Variants in ZFAND3 observed in about 807,000 individuals in gnomAD.
ZFAND3 encodes zinc finger AN1-type containing 3.
A neutral mutation model predicts 29.6 loss-of-function variants in ZFAND3; 10 were observed. The observed-to-expected ratio is 0.34, with a 90% CI of 0.21 to 0.57. ZFAND3 has a LOEUF of 0.57. Among genes scored for constraint, ZFAND3 ranks in the 20% least tolerant of loss-of-function variants. The pLI, the probability that ZFAND3 is intolerant of heterozygous loss-of-function variation, is 0.86. For missense variants in ZFAND3, 230 were observed against 304.5 expected (o/e 0.76, Z 1.82); for synonymous variants, 128 against 112.6 (o/e 1.14, Z -0.87).
intron 1 of ZFAND3, among the ~76,000 whole-genome samples, chr6:37,869,477 A>G (rs1389941935): frequency 6.6e-6 from 1 of 151,430 alleles, no homozygotes. Flanking sequence ...TCTTTCATTC[A>G]TGATATTGGT....
At chr6:37,898,656 C>T (rs1453981989) in intron 1 of ZFAND3, among the ~76,000 whole-genome samples, 1 of 152,014 alleles carries the variant, frequency 6.6e-6, no homozygotes, top group Non-Finnish European at 1.5e-5. Context: ...AGTGTAGCAA[C>T]CCTGTACATC....
At chr6:38,044,116 A>T (rs1462314943) in intron 2 of ZFAND3, among the ~76,000 whole-genome samples, 1 of 152,210 alleles carries the variant, frequency 6.6e-6, no homozygotes. Flanking sequence ...ACAAAAACTA[A>T]TCCAATAAAA....
chr6:38,087,016 G>A (rs1330520658), intron 4 of ZFAND3, among the ~76,000 whole-genome samples: 1 of 152,096 alleles, frequency 6.6e-6, no homozygotes, highest in Admixed American at 6.6e-5. Flanking sequence ...ATGGAATAGA[G>A]AACCCAGAAA....
intron 5 of ZFAND3, among the ~76,000 whole-genome samples, chr6:38,135,928 G>A (rs935551090): frequency 3.3e-5 from 5 of 152,182 alleles, no homozygotes; most frequent in Admixed American, 6.5e-5. Context: ...AGTCATAGCT[G>A]TGGATTTCCT....
At chr6:38,065,101 A>C (rs1764316600) in intron 3 of ZFAND3, among the ~76,000 whole-genome samples, 1 of 152,162 alleles carries the variant, frequency 6.6e-6, no homozygotes, top group Non-Finnish European at 1.5e-5. Context: ...AGCAGATCAC[A>C]AGGTGAAGAG....
At chr6:38,112,730 T>G (rs1381280957) in intron 4 of ZFAND3, among the ~76,000 whole-genome samples, 6 of 152,262 alleles carry the variant, frequency 3.9e-5, no homozygotes, top group Non-Finnish European at 8.8e-5. Flanking sequence ...GTTGAATTAT[T>G]TAATTCATTA....
chr6:37,830,344 G>T (rs1763837803), intron 1 of ZFAND3, among the ~76,000 whole-genome samples: 2 of 152,222 alleles, frequency 1.3e-5, no homozygotes, highest in African/African-American at 4.8e-5. Context: ...CCATCGTTTA[G>T]TCAAACTGTG....
intron 1 of ZFAND3, among the ~76,000 whole-genome samples, chr6:37,820,317 G>T (rs374723353): frequency 1.3e-5 from 2 of 152,220 alleles, no homozygotes; most frequent in South Asian, 2.1e-4. Flanking sequence ...GGAGGGATGA[G>T]GGGGCGGCGT....
chr6:37,843,759 C>T (rs1447662807), intron 1 of ZFAND3, among the ~76,000 whole-genome samples: 3 of 151,548 alleles, frequency 2.0e-5, no homozygotes, highest in Admixed American at 6.6e-5. Flanking sequence ...TCTTTTCTAG[C>T]TGAGACATTG....
chr6:37,848,841 A>G (rs1396826520), intron 1 of ZFAND3, among the ~76,000 whole-genome samples: 1 of 152,136 alleles, frequency 6.6e-6, no homozygotes, highest in African/African-American at 2.4e-5. Context: ...GTCTGGTATT[A>G]TAATGATGCT....
At chr6:37,878,771 T>A (rs1421993903) in intron 1 of ZFAND3, among the ~76,000 whole-genome samples, 1 of 152,236 alleles carries the variant, frequency 6.6e-6, no homozygotes, top group Non-Finnish European at 1.5e-5. Context: ...TCAGATTTTT[T>A]AGTGGCAAGG....
chr6:37,994,748 A>T (rs1425112626), intron 2 of ZFAND3, among the ~76,000 whole-genome samples: 1 of 152,206 alleles, frequency 6.6e-6, no homozygotes, highest in Non-Finnish European at 1.5e-5. Context: ...GGCTCACTAG[A>T]GTAATTTGAA....
At chr6:38,150,269 G>T (rs939462281) in intron 5 of ZFAND3, among the ~76,000 whole-genome samples, 1 of 152,196 alleles carries the variant, frequency 6.6e-6, no homozygotes, top group Non-Finnish European at 1.5e-5. Flanking sequence ...GACAGAAATT[G>T]CATCTCTGTT....
intron 1 of ZFAND3, 81 bp from the exon 2 acceptor site, chr6:37,929,878 G>A (rs897628281): frequency 4.4e-6 from 6 of 1,379,136 alleles, no homozygotes; most frequent in Admixed American, 2.4e-5. Context: ...CTTTGCCTAC[G>A]TTTCTGACAT....
chr6:37,916,715 A>G (rs908146539), intron 1 of ZFAND3, among the ~76,000 whole-genome samples: 19 of 152,212 alleles, frequency 1.2e-4, no homozygotes, highest in African/African-American at 4.1e-4. Context: ...CCCTTTATCC[A>G]TGTTTTCACA....
At position 37,914,633 on chromosome 6, in the gene ZFAND3, C is replaced by T. The variant is rs371622147; in HGVS notation, c.72-15326C>T. Among the ~76,000 whole-genome samples, 12 of 149,266 alleles carry T rather than the reference C, an allele frequency of 8.0e-5. No individual in the cohort carries two copies. The East Asian group carries it at 2.2e-3, about 27-fold the overall frequency. ...GGATCACTGGGATCACAGGTGTGAC[C>T]CATAATTATTTTCTTTCTTTCTTTC... On this transcript the variant is annotated intron_variant, in intron 1 of 5. Transcript: ENST00000287218.
In ZFAND3 at chr6:37,977,903, C is replaced by CTCTTCCTT. The variant is rs57674653; in HGVS notation, c.112+47919_112+47926dup. ...TCCTTCCTTTCTCTCCTCTCCTCTC[C>CTCTTCCTT]TCTTCCTTTCTTCCTTTCTTCCGTT... On this transcript the variant is annotated intron_variant, in intron 2 of 5. Coordinates refer to ENST00000287218, the MANE Select transcript of ZFAND3 (RefSeq NM_021943.3). Among the ~76,000 whole-genome samples the CTCTTCCTT allele has an allele frequency of 0.021, 2,505 of 116,690 alleles. 233 individuals carry two copies. In the East Asian group the frequency reaches 0.32, roughly 15 times the overall value. The allele number at this position is 116,690 out of a possible 152,430, so 76.6% of individuals were successfully genotyped here. A position where few individuals can be genotyped will look rare whatever the true frequency, so the allele number is the denominator to read the frequency against.
intron 2 of ZFAND3, among the ~76,000 whole-genome samples, chr6:38,014,851 C>G (rs1431532775): frequency 6.6e-6 from 1 of 152,202 alleles, no homozygotes; most frequent in Non-Finnish European, 1.5e-5. Context: ...TTCTCTGTCT[C>G]TTCTTTTTGC....
intron 2 of ZFAND3, among the ~76,000 whole-genome samples, chr6:37,980,624 A>G (rs1039824261): frequency 6.6e-6 from 1 of 152,204 alleles, no homozygotes; most frequent in Admixed American, 6.5e-5. Context: ...ATCCCCTTGC[A>G]GTACAATTTG....
Sources: allele counts gnomAD v4.1 joint callset (sites outside exome capture counted in the v4.1 genomes callset), GRCh38; gene constraint gnomAD v4.1.1; transcripts MANE v1.5; gene names NCBI Gene and HGNC (gene_info 2026-07-23, HGNC 2026-07-21).